The following OR2H2 variants were observed in gnomAD, a reference collection of about 807,000 sequenced individuals.
OR2H2 encodes olfactory receptor 2H2.
For synonymous variants in OR2H2, 146 were observed against 132.4 expected, an observed-to-expected ratio of 1.10 and a Z score of -0.71; for missense variants, 295 against 313.7, an observed-to-expected ratio of 0.94 and a Z score of 0.45.
intron 1 of OR2H2, among the ~76,000 whole-genome samples, chr6:29,586,013 C>T (rs564212352): frequency 6.6e-6 from 1 of 152,242 alleles, no homozygotes; most frequent in African/African-American, 2.4e-5. Flanking sequence ...ACAAAGAAAA[C>T]AAAGGAGGGG....
Position 29,589,268 on chromosome 6 carries a change from C to T in OR2H2, c.*385C>T, listed in dbSNP as rs1408278635. On this transcript the variant is annotated 3_prime_UTR_variant, in exon 2 of 2. Transcript: ENST00000641840. ...CTTCTCCCTCATGTTTTTCCCACTT[C>T]ACTATATGTCTGTTTTGTATTCTCA... 9.5e-6 allele frequency: 2 copies of T among 210,030 alleles called. No individual in the cohort carries two copies. Among genetic ancestry groups the T allele is most frequent in the African/African-American group, 4.6e-5 (2 of 43,270 alleles). The allele number at this position is 210,030 out of a possible 1,614,324, so 13.0% of individuals were successfully genotyped here.
In OR2H2 at chr6:29,587,761, C is replaced by A. The variant is rs1760361971; in HGVS notation, c.-184C>A. The A allele has an allele frequency of 3.5e-6, 2 of 564,506 alleles. No homozygotes were observed. Among genetic ancestry groups the A allele is most frequent in the Admixed American group, 3.2e-5 (1 of 31,460 alleles). 35.0% of individuals were successfully genotyped at this position (564,506 alleles called of 1,614,324 possible). A position where few individuals can be genotyped will look rare whatever the true frequency, so the allele number is the denominator to read the frequency against. On this transcript the variant is annotated 5_prime_UTR_variant, in exon 2 of 2. Transcript: ENST00000641840. ...CTAGACAATGTTTGACCAGGAAGAA[C>A]AGGGAATGAGAAGGAGCTGCTGGAT...
In OR2H2 at chr6:29,589,044, C is replaced by T. The variant is rs1044602509; in HGVS notation, c.*161C>T. 4 of 591,712 alleles carry T rather than the reference C, an allele frequency of 6.8e-6. No homozygotes were observed. The highest frequency in any genetic ancestry group is 2.4e-5 in the South Asian group (1 of 42,418). 36.7% of individuals were successfully genotyped at this position (591,712 alleles called of 1,614,324 possible). A position where few individuals can be genotyped will look rare whatever the true frequency, so the allele number is the denominator to read the frequency against. On this transcript the variant is annotated 3_prime_UTR_variant, in exon 2 of 2. Coordinates refer to ENST00000641840, the MANE Select transcript of OR2H2 (RefSeq NM_007160.4). ...GTGCATGTATGTGTGCAAGAGACAGCGACTGAAATGTAGTAAAGGGAGGTA... is the reference window on the plus strand; with the variant it reads ...GTGCATGTATGTGTGCAAGAGACAGTGACTGAAATGTAGTAAAGGGAGGTA...
intron 1 of OR2H2, among the ~76,000 whole-genome samples, chr6:29,586,181 A>G (rs1316757503): frequency 1.3e-5 from 2 of 152,230 alleles, no homozygotes; most frequent in African/African-American, 4.8e-5. Context: ...TCAAAAAATG[A>G]AAGCGAAGGC....
intron 1 of OR2H2, among the ~76,000 whole-genome samples, chr6:29,586,566 G>A (rs1760270721): frequency 6.6e-6 from 1 of 151,952 alleles, no homozygotes; most frequent in African/African-American, 2.4e-5. Context: ...AGAGATCAGG[G>A]AGGGGCACAC....
At position 29,588,968 on chromosome 6, in the gene OR2H2, C is replaced by A; in HGVS notation, c.*85C>A. ...TTTGAGTTCCCTGCCCCTCTGCCTT[C>A]TTCACACCCATTACATTGTGGGAAT... On this transcript the variant is annotated 3_prime_UTR_variant, in exon 2 of 2. Transcript: ENST00000641840. The A allele has an allele frequency of 1.5e-6, 1 of 672,314 alleles. No individual in the cohort carries two copies. Among genetic ancestry groups the A allele is most frequent in the Non-Finnish European group, 2.7e-6 (1 of 364,854 alleles). The allele number at this position is 672,314 out of a possible 1,614,324, so 41.6% of individuals were successfully genotyped here. A position where few individuals can be genotyped will look rare whatever the true frequency, so the allele number is the denominator to read the frequency against.
chr6:29,586,063 G>A (rs919617719), intron 1 of OR2H2, among the ~76,000 whole-genome samples: 1 of 152,212 alleles, frequency 6.6e-6, no homozygotes, highest in Non-Finnish European at 1.5e-5. Context: ...TGGGAGTAAT[G>A]AAATATTCTG....
intron 1 of OR2H2, among the ~76,000 whole-genome samples, chr6:29,587,165 C>T (rs534559355): frequency 8.7e-4 from 133 of 152,242 alleles, no homozygotes; most frequent in African/African-American, 3.0e-3. Context: ...TGGAGTCTTT[C>T]GATAATGTTC....
Position 29,588,418 on chromosome 6 carries a change from A to G in OR2H2, c.474A>G (p.Thr158=), listed in dbSNP as rs771152032. 1 of 1,542,932 alleles carries G rather than the reference A, an allele frequency of 6.5e-7. No individual in the cohort carries two copies. Among genetic ancestry groups the G allele is most frequent in the Non-Finnish European group, 9.0e-7 (1 of 1,115,972 alleles). Residue 158 remains threonine (T), a synonymous_variant, in exon 2 of 2, where the codon ACA becomes ACG. Coordinates refer to ENST00000641840, the MANE Select transcript of OR2H2 (RefSeq NM_007160.4). Reference sequence around the variant, plus strand: ...GGCTAGTGGAGTCAGTGGTCCAGACACCATCCACCCTGCACCTGCCCTTCT... The same window carrying G: ...GGCTAGTGGAGTCAGTGGTCCAGACGCCATCCACCCTGCACCTGCCCTTCT... ...VIGLVESVVQ[T]PSTLHLPFCP...
intron 1 of OR2H2, among the ~76,000 whole-genome samples, chr6:29,586,955 C>G (rs1459838485): frequency 6.6e-6 from 1 of 152,110 alleles, no homozygotes; most frequent in Non-Finnish European, 1.5e-5. Context: ...CTTCTATGCC[C>G]CAATACATCT....
Position 29,589,949 on chromosome 6 carries a change from C to T in OR2H2, c.*1066C>T, listed in dbSNP as rs1760557993. ...ACATTAGCCTACAGTTCAGCAAAAT[C>T]CTCAATACAAAGTCTATTTTATAAT... On this transcript the variant is annotated 3_prime_UTR_variant, in exon 2 of 2. Coordinates refer to ENST00000641840, the MANE Select transcript of OR2H2 (RefSeq NM_007160.4). 1 of 152,144 alleles carries T rather than the reference C, an allele frequency of 6.6e-6. No individual in the cohort carries two copies. 9.4% of individuals were successfully genotyped at this position (152,144 alleles called of 1,614,324 possible). A position where few individuals can be genotyped will look rare whatever the true frequency, so the allele number is the denominator to read the frequency against.
rs374651455 is a variant in OR2H2 at position 29,588,353 on chromosome 6, C to T, written c.409C>T (p.Arg137Cys). ...PLHYATIIHP[R>C]LCWQLASVAW... is the part of the protein sequence containing the mutation. ...CCACTATGCCACCATCATCCACCCC[C>T]GCCTGTGCTGGCAGCTGGCATCTGT... The change falls in exon 2 of 2, where the codon CGC (arginine) becomes TGC (cysteine). Residue 137 changes from arginine (R) to cysteine (C), a missense_variant. Arg to Cys is a radical substitution (Grantham distance 180). Transcript: ENST00000641840. The T allele has an allele frequency of 6.2e-6, 10 of 1,612,988 alleles. No homozygotes were observed. In the African/African-American group the frequency reaches 1.1e-4, roughly 17 times the overall value.
At chr6:29,586,445 C>T (rs926477809) in intron 1 of OR2H2, among the ~76,000 whole-genome samples, 6 of 143,586 alleles carry the variant, frequency 4.2e-5, no homozygotes, top group Non-Finnish European at 7.5e-5. Flanking sequence ...GAGCAGAGAT[C>T]GTGCCATTGC....
At position 29,587,988 on chromosome 6, in the gene OR2H2, T is replaced by C; in HGVS notation, c.44T>C (p.Phe15Ser). The change falls in exon 2 of 2, where the codon TTC becomes TCC. Residue 15 changes from phenylalanine to serine, a missense_variant. Coordinates refer to ENST00000641840, the MANE Select transcript of OR2H2 (RefSeq NM_007160.4). ...ACACCGGGCTTCCTCCTTCTGGGCT[T>C]CTCTGAACACCCAGGGCTGGAAAGG... The part of the protein sequence containing the change: ...SSTPGFLLLG[F>S]SEHPGLERTL... The C allele has an allele frequency of 2.0e-6, 2 of 1,004,484 alleles. No homozygotes were observed. The highest frequency in any genetic ancestry group is 3.2e-6 in the Non-Finnish European group (2 of 621,628). The allele number at this position is 1,004,484 out of a possible 1,614,324, so 62.2% of individuals were successfully genotyped here. A position where few individuals can be genotyped will look rare whatever the true frequency, so the allele number is the denominator to read the frequency against.
rs574576050 is a variant in OR2H2, at chr6:29,590,471, C to A, written c.*1588C>A. 6.6e-6 allele frequency: 1 copy of A among 152,146 alleles called. No homozygotes were observed. Among genetic ancestry groups the A allele is most frequent in the Non-Finnish European group, 1.5e-5 (1 of 68,016 alleles). 9.4% of individuals were successfully genotyped at this position (152,146 alleles called of 1,614,324 possible). ...TTCAAATACTTCAAAGCATAAGAAA[C>A]AACAGAACAATAAAACTTTTGGAAA... On this transcript the variant is annotated 3_prime_UTR_variant, in exon 2 of 2. Coordinates refer to ENST00000641840, the MANE Select transcript of OR2H2 (RefSeq NM_007160.4).
At position 29,588,004 on chromosome 6, in the gene OR2H2, G is replaced by T; in HGVS notation, c.60G>T (p.Gly20=). The T allele has an allele frequency of 1.0e-6, 1 of 997,924 alleles. No homozygotes were observed. The highest frequency in any genetic ancestry group is 1.6e-6 in the Non-Finnish European group (1 of 615,422). 61.8% of individuals were successfully genotyped at this position (997,924 alleles called of 1,614,324 possible). A position where few individuals can be genotyped will look rare whatever the true frequency, so the allele number is the denominator to read the frequency against. ...FLLLGFSEHP[G]LERTLFVVVL... ...TTCTGGGCTTCTCTGAACACCCAGG[G>T]CTGGAAAGGACTCTCTTCGTGGTTG... Residue 20 remains glycine, a synonymous_variant, in exon 2 of 2, where the codon GGG becomes GGT. Coordinates refer to ENST00000641840, the MANE Select transcript of OR2H2 (RefSeq NM_007160.4).
chr6:29,585,896 G>A (rs1042312865), intron 1 of OR2H2, among the ~76,000 whole-genome samples: 1 of 152,172 alleles, frequency 6.6e-6, no homozygotes, highest in African/African-American at 2.4e-5. Flanking sequence ...GAAATGCCAA[G>A]ATAATGACAA....
In OR2H2 at chr6:29,588,082, G is replaced by C; in HGVS notation, c.138G>C (p.Leu46=). 1.1e-6 allele frequency: 1 copy of C among 942,296 alleles called. No individual in the cohort carries two copies. The allele number at this position is 942,296 out of a possible 1,614,324, so 58.4% of individuals were successfully genotyped here. Residue 46 remains leucine, a synonymous_variant, in exon 2 of 2, where the codon CTG becomes CTC. Transcript: ENST00000641840. ...TLVGNTLIIL[L]SALDPKLHSP... ...TGGGCAACACACTCATCATCCTGCT[G>C]TCTGCGCTGGACCCCAAGCTCCACT...
chr6:29,588,107 T>TCTCCAATGTACTTTTTC lies in OR2H2; in HGVS notation c.167_183dup (p.Ser62GlnfsTer58). On this transcript the variant is annotated frameshift_variant, in exon 2 of 2. Transcript: ENST00000641840. LOFTEE classifies it low-confidence loss of function (END_TRUNC). ...GTCTGCGCTGGACCCCAAGCTCCAC[T>TCTCCAATGTACTTTTTC]CTCCAATGTACTTTTTCCTCTCCAA... is the stretch of plus-strand genomic sequence containing the variant. The TCTCCAATGTACTTTTTC allele has an allele frequency of 1.0e-6, 1 of 993,180 alleles. No homozygotes were observed. The highest frequency in any genetic ancestry group is 1.3e-5 in the South Asian group (1 of 79,078). The allele number at this position is 993,180 out of a possible 1,614,324, so 61.5% of individuals were successfully genotyped here. A position where few individuals can be genotyped will look rare whatever the true frequency, so the allele number is the denominator to read the frequency against.
Sources: gnomAD v4.1 joint callset for allele counts (sites outside exome capture counted in the v4.1 genomes callset) on GRCh38, gnomAD v4.1.1 for gene constraint, MANE v1.5 for transcripts, NCBI Gene and HGNC (gene_info 2026-07-23, HGNC 2026-07-21) for gene names.